EXOC6: variants seen among roughly 807,000 people sequenced by gnomAD.
EXOC6 encodes SEC15-like 1.
Under a neutral mutation model 112.5 loss-of-function variants are expected in EXOC6, and 60 were observed. That is an observed-to-expected ratio of 0.53 (90% CI 0.43 to 0.66). EXOC6 has a LOEUF of 0.66. EXOC6 is among the 30% of genes least tolerant of loss of function. The pLI, the probability that EXOC6 is intolerant of heterozygous loss-of-function variation, is 0.00. For missense variants in EXOC6, 855 were observed against 957.1 expected (o/e 0.89, Z 1.41); for synonymous variants, 295 against 308.0 (o/e 0.96, Z 0.44).
chr10:92,940,721 T>A lies in EXOC6; in HGVS notation c.1213-6T>A. On this transcript the variant is annotated splice_region_variant and splice_polypyrimidine_tract_variant and intron_variant, in intron 12 of 21. Coordinates refer to ENST00000260762, the MANE Select transcript of EXOC6 (RefSeq NM_019053.6). ...TTATCTGCTTTTTTTTTTTTTTGTA[T>A]TTTAGGGTTATGGTTTTCCAGTGAA... 1 of 1,567,148 alleles carries A rather than the reference T, an allele frequency of 6.4e-7. No individual in the cohort carries two copies. Among genetic ancestry groups the A allele is most frequent in the African/African-American group, 1.4e-5 (1 of 72,228 alleles).
intron 20 of EXOC6, among the ~76,000 whole-genome samples, chr10:93,028,317 C>G (rs891181193): frequency 6.6e-6 from 1 of 151,954 alleles, no homozygotes; most frequent in African/African-American, 2.4e-5. Flanking sequence ...AAAAAGTTTC[C>G]ATTCCTCATG....
intron 18 of EXOC6, among the ~76,000 whole-genome samples, chr10:92,991,821 T>C (rs138253541): frequency 6.6e-6 from 1 of 152,104 alleles, no homozygotes; most frequent in African/African-American, 2.4e-5. Context: ...TTGGTAATTG[T>C]TGGAAGGAGA....
upstream of EXOC6, chr10:92,848,512 G>A: frequency 6.0e-6 from 8 of 1,338,716 alleles, no homozygotes; most frequent in Non-Finnish European, 7.8e-6. Flanking sequence ...GCGCCTCGCT[G>A]GCTCCTCAGC....
intron 20 of EXOC6, among the ~76,000 whole-genome samples, chr10:93,050,041 TAAAA>T (rs900883486): frequency 1.3e-5 from 2 of 150,336 alleles, no homozygotes; most frequent in Admixed American, 6.6e-5. Flanking sequence ...TCAAAGCTGT[TAAAA>T]AAAAAAATTT....
chr10:92,908,123 G>C (rs2133866370), intron 5 of EXOC6, among the ~76,000 whole-genome samples: 1 of 131,302 alleles, frequency 7.6e-6, no homozygotes, highest in African/African-American at 2.9e-5. Flanking sequence ...GCAGTTGCAC[G>C]ATCTCACTGC....
intron 8 of EXOC6, among the ~76,000 whole-genome samples, chr10:92,924,474 T>G (rs560154924): frequency 2.6e-5 from 4 of 152,334 alleles, no homozygotes; most frequent in Non-Finnish European, 5.9e-5. Context: ...TAAAGCTGTT[T>G]AGCTGTCATA....
intron 1 of EXOC6, among the ~76,000 whole-genome samples, chr10:92,890,758 G>A (rs549651116): frequency 8.5e-5 from 13 of 152,280 alleles, no homozygotes; most frequent in African/African-American, 2.9e-4. Context: ...GAGGAGGCCA[G>A]TGTTGCTGGC....
At chr10:92,983,970 T>C (rs953407033) in intron 18 of EXOC6, among the ~76,000 whole-genome samples, 3 of 152,196 alleles carry the variant, frequency 2.0e-5, no homozygotes, top group African/African-American at 7.2e-5. Flanking sequence ...ACTATTATTT[T>C]TATCTTTATT....
chr10:92,974,533 C>T (rs1424983073), intron 18 of EXOC6, among the ~76,000 whole-genome samples: 1 of 147,342 alleles, frequency 6.8e-6, no homozygotes, highest in Admixed American at 6.6e-5. Context: ...ATAGAGTTAA[C>T]ACAATTGCTC....
At chr10:92,999,296 C>G (rs955995750) in intron 19 of EXOC6, 11 of 391,026 alleles carry the variant, frequency 2.8e-5, no homozygotes, top group Non-Finnish European at 5.4e-5. Context: ...CTCCTGGCCT[C>G]AAGTCATCCT....
intron 1 of EXOC6, among the ~76,000 whole-genome samples, chr10:92,884,082 A>G (rs1187677533): frequency 6.6e-6 from 1 of 152,068 alleles, no homozygotes; most frequent in Non-Finnish European, 1.5e-5. Flanking sequence ...TATTTTTGGT[A>G]GAAACAGAGT....
intron 8 of EXOC6, among the ~76,000 whole-genome samples, chr10:92,923,455 A>G (rs1201868371): frequency 2.6e-5 from 4 of 152,208 alleles, no homozygotes; most frequent in Non-Finnish European, 5.9e-5. Flanking sequence ...GGTTCTGGCT[A>G]CAGGTCTCTT....
rs1385909127 is a variant in EXOC6 at position 92,977,686 on chromosome 10, CACACACAT to C, written c.1953+3462_1953+3469del. 3.4e-4 allele frequency among the ~76,000 whole-genome samples: 52 copies of C among 152,106 alleles called. 1 individual carries two copies. The highest frequency in any genetic ancestry group is 3.4e-3 in the Middle Eastern group (1 of 294). Reference sequence around the variant, plus strand: ...ATGTACGTGCTTGCAGACACACACACACACACATACACACACACACGTTTTATGTTTTA... The same window carrying C: ...ATGTACGTGCTTGCAGACACACACACACACACACACACGTTTTATGTTTTA... On this transcript the variant is annotated intron_variant, in intron 18 of 21. Coordinates refer to ENST00000260762, the MANE Select transcript of EXOC6 (RefSeq NM_019053.6).
intron 20 of EXOC6, among the ~76,000 whole-genome samples, chr10:93,019,707 T>C (rs1844694408): frequency 6.6e-6 from 1 of 152,086 alleles, no homozygotes; most frequent in African/African-American, 2.4e-5. Context: ...ATCCACACAG[T>C]TCCCTTATAA....
chr10:92,841,000 T>C (rs141360760), intron 1 of EXOC6, among the ~76,000 whole-genome samples: 42 of 152,314 alleles, frequency 2.8e-4, no homozygotes, highest in African/African-American at 9.9e-4. Context: ...CTGTTTACAG[T>C]GTAGAATGAT....
At chr10:92,875,545 A>G (rs980811050) in intron 1 of EXOC6, among the ~76,000 whole-genome samples, 1 of 152,198 alleles carries the variant, frequency 6.6e-6, no homozygotes, top group Non-Finnish European at 1.5e-5. Context: ...ATGAATTCCT[A>G]CTGTGTTACA....
At chr10:92,937,329 C>T (rs1038606728) in intron 12 of EXOC6, among the ~76,000 whole-genome samples, 4 of 152,030 alleles carry the variant, frequency 2.6e-5, no homozygotes, top group African/African-American at 9.7e-5. Flanking sequence ...CCATAAGTTC[C>T]CAAAAAGAAG....
chr10:92,990,554 T>C (rs1436277613), intron 18 of EXOC6, among the ~76,000 whole-genome samples: 1 of 152,180 alleles, frequency 6.6e-6, no homozygotes, highest in Non-Finnish European at 1.5e-5. Flanking sequence ...AGTTACTTCA[T>C]TCATGTTAAC....
intron 20 of EXOC6, among the ~76,000 whole-genome samples, chr10:93,042,701 C>G (rs1845836643): frequency 6.6e-6 from 1 of 152,152 alleles, no homozygotes; most frequent in African/African-American, 2.4e-5. Context: ...TTATAAGTCA[C>G]TCGATCTGTG....
Sources: gnomAD v4.1 joint callset for allele counts (sites outside exome capture counted in the v4.1 genomes callset) on GRCh38, gnomAD v4.1.1 for gene constraint, MANE v1.5 for transcripts, NCBI Gene and HGNC (gene_info 2026-07-23, HGNC 2026-07-21) for gene names.